The following TENT2 variants were observed in gnomAD, a reference collection of about 807,000 sequenced individuals.
The protein encoded by TENT2 is terminal nucleotidyltransferase 2, also known as poly(A) RNA polymerase GLD2.
Under a neutral mutation model 72.2 loss-of-function variants are expected in TENT2, and 44 were observed. That is an observed-to-expected ratio of 0.61 (90% CI 0.48 to 0.78). The LOEUF is 0.78. TENT2 is among the 30% of genes least tolerant of loss of function. The probability of loss-of-function intolerance (pLI) is 0.00; values close to 1 mark genes in which losing one functional copy is unlikely to be tolerated. For missense variants in TENT2, 541 were observed against 569.6 expected (o/e 0.95, Z 0.51); for synonymous variants, 212 against 192.5 (o/e 1.10, Z -0.84).
At chr5:79,676,552 A>C (rs1817501618) in intron 12 of TENT2, among the ~76,000 whole-genome samples, 1 of 152,164 alleles carries the variant, frequency 6.6e-6, no homozygotes, top group African/African-American at 2.4e-5. Flanking sequence ...GCGTCACTGC[A>C]CTCCAGCCTG....
chr5:79,643,597 C>T (rs1786189473), intron 7 of TENT2, among the ~76,000 whole-genome samples: 1 of 152,138 alleles, frequency 6.6e-6, no homozygotes, highest in Admixed American at 6.5e-5. Flanking sequence ...CTGGAAAGTA[C>T]AAGTCAAGTA....
intron 1 of TENT2, 76 bp from the exon 2 acceptor site, chr5:79,619,536 A>C: frequency 9.6e-7 from 1 of 1,040,758 alleles, no homozygotes; most frequent in Non-Finnish European, 1.3e-6. Context: ...GTTTTAAGTT[A>C]GTGGATAATA....
intron 3 of TENT2, 117 bp downstream of exon 3, chr5:79,620,200 C>T (rs1763642287): frequency 1.6e-6 from 1 of 617,406 alleles, no homozygotes; most frequent in East Asian, 3.0e-5. Flanking sequence ...TTTCTGGGAC[C>T]TGTACGATCA....
In TENT2 at chr5:79,685,331, A is replaced by G; in HGVS notation, c.*58A>G. ...AAATAAAGAACAATAGTTTCATCAT[A>G]ATACATTATGTTTACCTCCATCATA... On this transcript the variant is annotated 3_prime_UTR_variant, in exon 15 of 15. Coordinates refer to ENST00000453514, the MANE Select transcript of TENT2 (RefSeq NM_001114394.3). The G allele has an allele frequency of 1.6e-6, 2 of 1,281,392 alleles. No homozygotes were observed. The highest frequency in any genetic ancestry group is 2.2e-6 in the Non-Finnish European group (2 of 916,340). 79.4% of individuals were successfully genotyped at this position (1,281,392 alleles called of 1,614,324 possible). A position where few individuals can be genotyped will look rare whatever the true frequency, so the allele number is the denominator to read the frequency against.
At chr5:79,645,421 A>G (rs2150060293) in intron 8 of TENT2, among the ~76,000 whole-genome samples, 1 of 152,240 alleles carries the variant, frequency 6.6e-6, no homozygotes, top group Middle Eastern at 3.4e-3. Flanking sequence ...AGACTATCTA[A>G]TTTAAAGAGT....
chr5:79,679,251 G>A (rs1819862618), intron 12 of TENT2, among the ~76,000 whole-genome samples: 2 of 152,016 alleles, frequency 1.3e-5, no homozygotes. Flanking sequence ...ATAAATATGT[G>A]TTGAAAACCT....
At chr5:79,654,181 C>T (rs1038300671) in intron 10 of TENT2, among the ~76,000 whole-genome samples, 2 of 152,126 alleles carry the variant, frequency 1.3e-5, no homozygotes, top group Non-Finnish European at 2.9e-5. Flanking sequence ...CCTGTAATCC[C>T]AGCAGTTTGG....
At chr5:79,685,085 A>G in intron 14 of TENT2, 114 bp from the exon 15 acceptor site, 1 of 849,954 alleles carries the variant, frequency 1.2e-6, no homozygotes, top group Non-Finnish European at 1.8e-6. Flanking sequence ...GAAGGAAAAA[A>G]TTATTCAAAA....
chr5:79,685,157 A>G (rs775883510), intron 14 of TENT2, 42 bp from the exon 15 acceptor site: 5 of 1,397,068 alleles, frequency 3.6e-6, no homozygotes, highest in Middle Eastern at 1.8e-4. Context: ...TTTGTTCTGC[A>G]TAAATTTTAG....
intron 6 of TENT2, among the ~76,000 whole-genome samples, chr5:79,641,544 G>A (rs1252962368): frequency 6.7e-6 from 1 of 150,264 alleles, no homozygotes; most frequent in African/African-American, 2.4e-5. Context: ...TCTTCTTGAT[G>A]TATTTCCTTT....
intron 14 of TENT2, among the ~76,000 whole-genome samples, chr5:79,684,201 C>T (rs1349024556): frequency 6.6e-6 from 1 of 152,182 alleles, no homozygotes; most frequent in African/African-American, 2.4e-5. Flanking sequence ...TTCTTTTCTT[C>T]TCCTTATCAA....
Position 79,641,148 on chromosome 5 carries a change from T to G in TENT2, c.624T>G (p.Gly208=). ...TTGGGTCCTCTTTAAATGGATTTGG[T>G]ACCCGGAGCAGTGATGGTGATTTAT... The part of the protein sequence containing the change: ...FLVGSSLNGF[G]TRSSDGDLCL... The change falls in exon 6 of 15, where the codon GGT becomes GGG. Residue 208 remains glycine, a synonymous_variant. Transcript: ENST00000453514. 3 of 1,579,044 alleles carry G rather than the reference T, an allele frequency of 1.9e-6. No individual in the cohort carries two copies. The highest frequency in any genetic ancestry group is 2.6e-6 in the Non-Finnish European group (3 of 1,170,282).
Position 79,664,890 on chromosome 5 carries a change from C to G in TENT2, c.1072-4002C>G, listed in dbSNP as rs576380781. ...GAACGCTAAGTAACTTGATTAAATG[C>G]CTGCAGCTAATAGAAGGGTGATGCT... On this transcript the variant is annotated intron_variant, in intron 11 of 14. Transcript: ENST00000453514. 1.1e-4 allele frequency among the ~76,000 whole-genome samples: 17 copies of G among 152,174 alleles called. No individual in the cohort carries two copies. The South Asian group carries it at 2.5e-3, about 22-fold the overall frequency.
chr5:79,659,594 A>ATATATG (rs70975771), intron 11 of TENT2, among the ~76,000 whole-genome samples: 9 of 127,578 alleles, frequency 7.1e-5, no homozygotes, highest in East Asian at 2.4e-4. Context: ...ATATATATAT[A>ATATATG]ATAGCCATCG....
At chr5:79,629,106 G>A (rs1772912940) in intron 4 of TENT2, among the ~76,000 whole-genome samples, 1 of 152,184 alleles carries the variant, frequency 6.6e-6, no homozygotes, top group African/African-American at 2.4e-5. Flanking sequence ...AATCTTGGAT[G>A]CAAATGCTTT....
At chr5:79,633,739 T>C (rs1020424454) in intron 4 of TENT2, among the ~76,000 whole-genome samples, 27 of 150,448 alleles carry the variant, frequency 1.8e-4, no homozygotes, top group Middle Eastern at 3.4e-3. Context: ...TTTTTTTTTT[T>C]CCACTTTCTT....
intron 4 of TENT2, among the ~76,000 whole-genome samples, chr5:79,625,184 C>T (rs1475345265): frequency 1.3e-5 from 2 of 152,138 alleles, no homozygotes; most frequent in African/African-American, 2.4e-5. Context: ...GCTTATTGGA[C>T]ATTTGTATAT....
Position 79,620,092 on chromosome 5 carries a change from T to G in TENT2, c.227+9T>G. 1 of 1,552,766 alleles carries G rather than the reference T, an allele frequency of 6.4e-7. No individual in the cohort carries two copies. Reference sequence around the variant, plus strand: ...TTATTTCGAGGAAGGAAGTAAGTACTTCTTAATTATTTTAAAAGAATATTT... The same window carrying G: ...TTATTTCGAGGAAGGAAGTAAGTACGTCTTAATTATTTTAAAAGAATATTT... On this transcript the variant is annotated intron_variant, in intron 3 of 14. Transcript: ENST00000453514.
intron 4 of TENT2, among the ~76,000 whole-genome samples, chr5:79,631,849 C>G (rs1446588924): frequency 1.3e-5 from 2 of 152,038 alleles, no homozygotes; most frequent in African/African-American, 4.8e-5. Flanking sequence ...AGTGATTGGC[C>G]TTAGGTAAGA....
Sources: allele counts gnomAD v4.1 joint callset (sites outside exome capture counted in the v4.1 genomes callset), GRCh38; gene constraint gnomAD v4.1.1; transcripts MANE v1.5; gene names NCBI Gene and HGNC (gene_info 2026-07-23, HGNC 2026-07-21).